Variants in DOCK11 observed in about 807,000 individuals in gnomAD.
The protein encoded by DOCK11 is dedicator of cytokinesis protein 11.
DOCK11 carries 70 observed loss-of-function variants against 169.1 expected under a neutral mutation model. The observed-to-expected ratio is 0.41, with a 90% CI of 0.34 to 0.51. The LOEUF (loss-of-function observed/expected upper bound fraction) is 0.51. Ranked by LOEUF, DOCK11 falls within the 20% of genes least tolerant of loss-of-function variation. The probability of loss-of-function intolerance (pLI) is 0.10; values close to 1 mark genes in which losing one functional copy is unlikely to be tolerated. For synonymous variants in DOCK11, 529 were observed against 541.3 expected (o/e 0.98, Z 0.32); for missense variants, 1,166 against 1,538.8 (o/e 0.76, Z 4.05).
At chrX:118,664,515 C>A (rs922775421) in intron 45 of DOCK11, among the ~76,000 whole-genome samples, 6 of 110,273 alleles carry the variant, frequency 5.4e-5, no homozygotes, top group Non-Finnish European at 1.1e-4. Flanking sequence ...CGTGGTGGCA[C>A]CTGCCTATAA....
intron 30 of DOCK11, among the ~76,000 whole-genome samples, chrX:118,617,506 T>C (rs1207977455): frequency 1.9e-5 from 2 of 103,456 alleles, no homozygotes. Flanking sequence ...AAAAAAAAAT[T>C]ACTAAACCTG....
At position 118,681,883 on chromosome X, in the gene DOCK11, A is replaced by G. The variant is rs1293167009; in HGVS notation, c.5963+89A>G. On this transcript the variant is annotated intron_variant, in intron 51 of 52. Coordinates refer to ENST00000276202, the MANE Select transcript of DOCK11 (RefSeq NM_144658.4). ...AACAACAAAGTATTGACCAAATAAT[A>G]CCCTTCCAAAAAGGGACATTCTCTG... The G allele has an allele frequency of 6.2e-6, 4 of 649,320 alleles. No individual in the cohort carries two copies. The African/African-American group carries it at 6.9e-5, about 11-fold the overall frequency. 53.5% of individuals were successfully genotyped at this position (649,320 alleles called of 1,213,427 possible). A position where few individuals can be genotyped will look rare whatever the true frequency, so the allele number is the denominator to read the frequency against.
At position 118,530,048 on chromosome X, in the gene DOCK11, T is replaced by G. The variant is rs1014064624; in HGVS notation, c.103-12677T>G. Among the ~76,000 whole-genome samples the G allele has an allele frequency of 5.3e-5, 6 of 112,431 alleles. No individual in the cohort carries two copies. In the Admixed American group the frequency reaches 5.6e-4, roughly 11 times the overall value. ...GATCCAACATATTTCTCATCAAAAG[T>G]TGGACCATTTTGGATCAAATTAGCC... is the stretch of plus-strand genomic sequence containing the variant. On this transcript the variant is annotated intron_variant, in intron 1 of 52. Transcript: ENST00000276202.
intron 6 of DOCK11, among the ~76,000 whole-genome samples, chrX:118,549,301 T>C (rs2012405952): frequency 9.1e-6 from 1 of 109,324 alleles, no homozygotes; most frequent in South Asian, 4.0e-4. Context: ...CACGCCACCA[T>C]GCCTGGCTAA....
chrX:118,648,005 T>TATATATAATATATA (rs2015807699), intron 40 of DOCK11, among the ~76,000 whole-genome samples: 17 of 28,986 alleles, frequency 5.9e-4, no homozygotes, highest in Non-Finnish European at 8.5e-4. Flanking sequence ...AATATATTAT[T>TATATATAATATATA]ATAATATATA....
intron 1 of DOCK11, among the ~76,000 whole-genome samples, chrX:118,531,327 T>A (rs1362148570): frequency 1.0e-5 from 1 of 96,293 alleles, no homozygotes; most frequent in Non-Finnish European, 2.0e-5. Flanking sequence ...TGGTGGTGGA[T>A]GACTGTGGTC....
Position 118,608,096 on chromosome X carries a change from G to A in DOCK11, c.2706G>A (p.Lys902=). The change falls in exon 25 of 53, where the codon AAG becomes AAA. Residue 902 remains lysine, a synonymous_variant. Coordinates refer to ENST00000276202, the MANE Select transcript of DOCK11 (RefSeq NM_144658.4). ...GGGTTCTCTTACATATTGTATCAAA[G>A]TGCCATGAAGAAGGCTTGGATAGTT... ...CTMVLLHIVS[K]CHEEGLDSYL... The A allele has an allele frequency of 2.5e-6, 3 of 1,205,808 alleles. No homozygotes were observed. Among genetic ancestry groups the A allele is most frequent in the Non-Finnish European group, 3.4e-6 (3 of 892,982 alleles).
chrX:118,555,108 T>C (rs147180357), intron 6 of DOCK11, among the ~76,000 whole-genome samples: 2 of 112,070 alleles, frequency 1.8e-5, no homozygotes, highest in African/African-American at 6.5e-5. Flanking sequence ...AAATAATTTG[T>C]CTGTAATGAG....
At chrX:118,624,733 G>A in intron 32 of DOCK11, 78 bp downstream of exon 32, 1 of 464,809 alleles carries the variant, frequency 2.2e-6, no homozygotes. Flanking sequence ...TATGCTATAT[G>A]ATCTCAACCT....
chrX:118,629,424 A>G (rs1482512230), intron 34 of DOCK11, among the ~76,000 whole-genome samples: 1 of 111,140 alleles, frequency 9.0e-6, no homozygotes, highest in Admixed American at 9.6e-5. Context: ...GTGCATCCCC[A>G]GTTTAGCTCA....
chrX:118,516,193 C>T (rs372859042), intron 1 of DOCK11, among the ~76,000 whole-genome samples: 8 of 95,979 alleles, frequency 8.3e-5, no homozygotes, highest in African/African-American at 2.4e-4. Context: ...CCCGGGTTCA[C>T]GCCATTCTCC....
At chrX:118,531,329 A>G (rs1306536062) in intron 1 of DOCK11, among the ~76,000 whole-genome samples, 2 of 94,888 alleles carry the variant, frequency 2.1e-5, no homozygotes, top group Non-Finnish European at 4.1e-5. Flanking sequence ...GTGGTGGATG[A>G]CTGTGGTCCC....
At chrX:118,672,137 A>G (rs995163618) in intron 46 of DOCK11, among the ~76,000 whole-genome samples, 4 of 112,574 alleles carry the variant, frequency 3.6e-5, no homozygotes, top group African/African-American at 1.3e-4. Context: ...TTAGCGGAGA[A>G]CCTAAAGGTG....
At chrX:118,672,171 T>C (rs2016491497) in intron 46 of DOCK11, among the ~76,000 whole-genome samples, 2 of 112,245 alleles carry the variant, frequency 1.8e-5, no homozygotes. Context: ...GTGGGGTAGG[T>C]AATAATACAC....
intron 23 of DOCK11, among the ~76,000 whole-genome samples, chrX:118,601,299 C>T (rs2014329765): frequency 9.2e-6 from 1 of 108,947 alleles, no homozygotes; most frequent in South Asian, 4.1e-4. Context: ...TGGCACACAC[C>T]TGTAATCTCA....
intron 14 of DOCK11, among the ~76,000 whole-genome samples, 171 bp downstream of exon 14, chrX:118,580,350 CTT>C (rs1235206350): frequency 9.0e-6 from 1 of 111,685 alleles, no homozygotes; most frequent in Non-Finnish European, 1.9e-5. Context: ...GAGTTTCGCT[CTT>C]GTTGCCCAGG....
rs753606267 is a variant in DOCK11 at position 118,542,931 on chromosome X, G to A, written c.225G>A (p.Ser75=). The A allele has an allele frequency of 1.3e-5, 16 of 1,208,564 alleles. No individual in the cohort carries two copies. Among genetic ancestry groups the A allele is most frequent in the Middle Eastern group, 2.3e-4 (1 of 4,372 alleles). ...LMFPMEDISI[S]VIGRQRRTVQ... ...AAATGTTCTTTGTGTTCTAGATCTC[G>A]GTGATAGGTCGTCAACGCAGAACGG... Residue 75 remains serine (S), a synonymous_variant, in exon 3 of 53, where the codon TCG becomes TCA. Coordinates refer to ENST00000276202, the MANE Select transcript of DOCK11 (RefSeq NM_144658.4).
At chrX:118,661,954 T>C (rs2016225110) in intron 44 of DOCK11, among the ~76,000 whole-genome samples, 1 of 112,351 alleles carries the variant, frequency 8.9e-6, no homozygotes, top group Non-Finnish European at 1.9e-5. Flanking sequence ...TATTTGCTAG[T>C]AATAATTCAT....
intron 18 of DOCK11, among the ~76,000 whole-genome samples, chrX:118,589,030 A>G (rs1048164569): frequency 6.3e-5 from 7 of 111,824 alleles, no homozygotes; most frequent in Admixed American, 9.5e-5. Flanking sequence ...TAACCCATCA[A>G]TCAGGGACCT....
Sources: allele counts gnomAD v4.1 joint callset (sites outside exome capture counted in the v4.1 genomes callset), GRCh38; gene constraint gnomAD v4.1.1; transcripts MANE v1.5; gene names NCBI Gene and HGNC (gene_info 2026-07-23, HGNC 2026-07-21).